Variants in PLA2G4C observed in about 807,000 individuals in gnomAD.
PLA2G4C encodes cytosolic phospholipase A2 gamma.
A neutral mutation model predicts 73.8 loss-of-function variants in PLA2G4C; 64 were observed. The observed-to-expected ratio is 0.87, with a 90% CI of 0.71 to 1.07. The LOEUF (loss-of-function observed/expected upper bound fraction) is 1.07. Among genes scored for constraint, PLA2G4C ranks in the 50% least tolerant of loss-of-function variants. The pLI, the probability that PLA2G4C is intolerant of heterozygous loss-of-function variation, is 0.00. For synonymous variants in PLA2G4C, 254 were observed against 252.1 expected, an observed-to-expected ratio of 1.01 and a Z score of -0.07; for missense variants, 622 against 665.4, an observed-to-expected ratio of 0.93 and a Z score of 0.72.
In PLA2G4C at chr19:48,067,443, C is replaced by T. The variant is rs1968475294; in HGVS notation, c.1102+348G>A. On this transcript the variant is annotated intron_variant, in intron 13 of 16. Transcript: ENST00000599921. ...TCAGCCTCCCAAAGTGCTGGGATTA[C>T]AGGCATGAGCCACTGCGCCCAGCCC... Among the ~76,000 whole-genome samples, 3 of 152,198 alleles carry T rather than the reference C, an allele frequency of 2.0e-5. No homozygotes were observed. In the South Asian group the frequency reaches 6.2e-4, roughly 31 times the overall value.
chr19:48,066,766 A>G (rs1259374691), intron 13 of PLA2G4C, among the ~76,000 whole-genome samples: 1 of 151,984 alleles, frequency 6.6e-6, no homozygotes, highest in Non-Finnish European at 1.5e-5. Flanking sequence ...GGGGTTCAAG[A>G]TCAGTCTGGG....
chr19:48,082,297 A>G (rs1012042637), intron 10 of PLA2G4C, among the ~76,000 whole-genome samples: 3 of 151,986 alleles, frequency 2.0e-5, no homozygotes, highest in Non-Finnish European at 4.4e-5. Context: ...GATCCTTATA[A>G]TTAAAATATT....
intron 4 of PLA2G4C, among the ~76,000 whole-genome samples, chr19:48,100,888 T>G: frequency 6.9e-6 from 1 of 144,542 alleles, no homozygotes; most frequent in Admixed American, 7.0e-5. Flanking sequence ...CACTCCAGCC[T>G]GGGCAACAGA....
In PLA2G4C at chr19:48,057,456, TTTCTTCTTC is replaced by T. The variant is rs1217131169; in HGVS notation, c.1258-2416_1258-2408del. Among the ~76,000 whole-genome samples, 261 of 57,372 alleles carry T rather than the reference TTTCTTCTTC, an allele frequency of 4.5e-3. 3 individuals carry two copies. Among genetic ancestry groups the T allele is most frequent in the Middle Eastern group, 0.021 (2 of 94 alleles). The allele number at this position is 57,372 out of a possible 152,430, so 37.6% of individuals were successfully genotyped here. A position where few individuals can be genotyped will look rare whatever the true frequency, so the allele number is the denominator to read the frequency against. On this transcript the variant is annotated intron_variant, in intron 14 of 16. Coordinates refer to ENST00000599921, the MANE Select transcript of PLA2G4C (RefSeq NM_003706.3). ...AAAGGAGATGCAGTCTCAACAAGTG[TTTCTTCTTC>T]TTCTTCTTCTTCTTCTTCTTTTTTT...
intron 13 of PLA2G4C, among the ~76,000 whole-genome samples, chr19:48,063,575 T>G (rs1385122704): frequency 6.2e-5 from 1 of 16,182 alleles, no homozygotes; most frequent in Non-Finnish European, 1.2e-4. Flanking sequence ...ATCCCTCCCG[T>G]CCCCCCGCCA....
intron 16 of PLA2G4C, among the ~76,000 whole-genome samples, chr19:48,050,211 T>G (rs11564655): frequency 0.21 from 32,335 of 152,022 alleles, 3,899 homozygotes; most frequent in Non-Finnish European, 0.27. Flanking sequence ...TGAACCACCA[T>G]GCCCGGCCTC....
intron 14 of PLA2G4C, among the ~76,000 whole-genome samples, chr19:48,056,629 G>A (rs574562938): frequency 1.2e-4 from 18 of 151,430 alleles, no homozygotes; most frequent in Non-Finnish European, 2.4e-4. Context: ...TCAGGAGATC[G>A]AGACCATCCT....
chr19:48,062,059 G>T lies in PLA2G4C; in HGVS notation c.1196C>A (p.Pro399His). 1 of 1,613,850 alleles carries T rather than the reference G, an allele frequency of 6.2e-7. No homozygotes were observed. The highest frequency in any genetic ancestry group is 8.5e-7 in the Non-Finnish European group (1 of 1,179,896). ...AINTPFPLVL[P>H]PTREVHLILS... ...GATGAGGTGAACCTCCCGCGTCGGG[G>T]GCAGCACGAGTGGGAAGGGAGTGTT... The change falls in exon 14 of 17, where the codon CCC becomes CAC. Residue 399 changes from proline to histidine, a missense_variant. By Grantham distance (77) the Pro-to-His change is moderately conservative. Transcript: ENST00000599921.
At chr19:48,061,817 G>T in intron 14 of PLA2G4C, 181 bp downstream of exon 14, 1 of 644,446 alleles carries the variant, frequency 1.6e-6, no homozygotes, top group Non-Finnish European at 2.7e-6. Flanking sequence ...GAAGTTCGTT[G>T]GATGTGGCCG....
chr19:48,075,810 T>C (rs527597575), intron 11 of PLA2G4C, among the ~76,000 whole-genome samples: 2 of 152,292 alleles, frequency 1.3e-5, no homozygotes, highest in South Asian at 4.1e-4. Flanking sequence ...TTGAGACAGG[T>C]TGTCGCTCTG....
In PLA2G4C at chr19:48,100,603, T is replaced by TAAA. The variant is rs745962740; in HGVS notation, c.258-746_258-744dup. 4.2e-3 allele frequency among the ~76,000 whole-genome samples: 171 copies of TAAA among 40,666 alleles called. 12 individuals carry two copies. Among genetic ancestry groups the TAAA allele is most frequent in the African/African-American group, 0.019 (128 of 6,776 alleles). 26.7% of individuals were successfully genotyped at this position (40,666 alleles called of 152,430 possible). A position where few individuals can be genotyped will look rare whatever the true frequency, so the allele number is the denominator to read the frequency against. Reference sequence around the variant, plus strand: ...CTGGGCGACAGAGCGTGACTCCATCTAAAAAAAAAAAAAAAAAAAAAAAAA... The same window carrying TAAA: ...CTGGGCGACAGAGCGTGACTCCATCTAAAAAAAAAAAAAAAAAAAAAAAAAAAA... On this transcript the variant is annotated intron_variant, in intron 4 of 16. Transcript: ENST00000599921.
chr19:48,091,524 T>G (rs1021535088), intron 7 of PLA2G4C, among the ~76,000 whole-genome samples: 1 of 145,476 alleles, frequency 6.9e-6, no homozygotes, highest in Non-Finnish European at 1.6e-5. Flanking sequence ...ATCCCACATG[T>G]CCTCGGGGCA....
Position 48,082,899 on chromosome 19 carries a change from T to C in PLA2G4C, c.844+2160A>G, listed in dbSNP as rs548152180. ...CTCGATCTTGGCTCACCGCAAACTC[T>C]GCCTCCCAGGTTCACGCCATTCTCC... On this transcript the variant is annotated intron_variant, in intron 10 of 16. Coordinates refer to ENST00000599921, the MANE Select transcript of PLA2G4C (RefSeq NM_003706.3). 1.8e-3 allele frequency among the ~76,000 whole-genome samples: 264 copies of C among 149,638 alleles called. 1 individual carries two copies. Among genetic ancestry groups the C allele is most frequent in the African/African-American group, 6.2e-3 (254 of 40,716 alleles).
At chr19:48,067,707 T>G in intron 13 of PLA2G4C, 84 bp downstream of exon 13, 1 of 897,548 alleles carries the variant, frequency 1.1e-6, no homozygotes, top group Non-Finnish European at 1.9e-6. Context: ...CAGCCTGGGA[T>G]TGTTTCAGGC....
chr19:48,085,143 A>T lies in PLA2G4C; in HGVS notation c.791-31T>A, dbSNP rs773341140. The T allele has an allele frequency of 6.6e-6, 10 of 1,510,566 alleles. No homozygotes were observed. The South Asian group carries it at 7.9e-5, about 12-fold the overall frequency. The allele number at this position is 1,510,566 out of a possible 1,614,324, so 93.6% of individuals were successfully genotyped here. On this transcript the variant is annotated intron_variant, in intron 9 of 16. Coordinates refer to ENST00000599921, the MANE Select transcript of PLA2G4C (RefSeq NM_003706.3). The stretch of plus-strand genomic sequence containing the variant: ...AAGAAAATAGCAATAAAATTCAAAC[A>T]TTCTCCATCACATGACTGTCATGTT...
At chr19:48,106,424 A>C in intron 2 of PLA2G4C, 98 bp downstream of exon 2, 1 of 950,010 alleles carries the variant, frequency 1.1e-6, no homozygotes, top group South Asian at 1.4e-5. Context: ...CCACCAAGCG[A>C]GAGGAACTGT....
Position 48,062,085 on chromosome 19 carries a change from G to T in PLA2G4C, c.1170C>A (p.Ile390=). Residue 390 remains isoleucine (I), a synonymous_variant, in exon 14 of 17, where the codon ATC becomes ATA. Transcript: ENST00000599921. ...GCAGCACGAGTGGGAAGGGAGTGTT[G>T]ATGGCTAAACCAGCATCCACCAGGT... The part of the protein sequence containing the change: ...HLHLVDAGLA[I]NTPFPLVLPP... 6.2e-7 allele frequency: 1 copy of T among 1,613,162 alleles called. No individual in the cohort carries two copies. The highest frequency in any genetic ancestry group is 8.5e-7 in the Non-Finnish European group (1 of 1,179,552).
intron 11 of PLA2G4C, among the ~76,000 whole-genome samples, chr19:48,077,222 A>G (rs201485492): frequency 6.6e-5 from 10 of 152,280 alleles, no homozygotes; most frequent in Non-Finnish European, 1.0e-4. Context: ...TCCTAGGTCT[A>G]ATGAATGAAT....
intron 12 of PLA2G4C, 79 bp downstream of exon 12, chr19:48,074,687 CA>C: frequency 1.1e-6 from 1 of 938,920 alleles, no homozygotes; most frequent in South Asian, 1.3e-5. Flanking sequence ...GACTGGCCCA[CA>C]GGGGTGGGGA....
Sources: allele counts gnomAD v4.1 joint callset (sites outside exome capture counted in the v4.1 genomes callset), GRCh38; gene constraint gnomAD v4.1.1; transcripts MANE v1.5; gene names NCBI Gene and HGNC (gene_info 2026-07-23, HGNC 2026-07-21).